Variants in TENM1 observed in about 807,000 individuals in gnomAD.
TENM1 encodes the protein teneurin-1.
TENM1 carries 35 observed loss-of-function variants against 174.8 expected under a neutral mutation model. That is an observed-to-expected ratio of 0.20 (90% CI 0.15 to 0.27). The LOEUF is 0.27. Among genes scored for constraint, TENM1 ranks in the 10% least tolerant of loss-of-function variants. The probability of loss-of-function intolerance (pLI) is 1.00; values close to 1 mark genes in which losing one functional copy is unlikely to be tolerated. For synonymous variants in TENM1, 781 were observed against 798.7 expected (o/e 0.98, Z 0.37); for missense variants, 1,633 against 2,130.1 (o/e 0.77, Z 4.59).
chrX:125,180,433 T>C, the TENM1 span, among the ~76,000 whole-genome samples: 10 of 102,023 alleles, frequency 9.8e-5, no homozygotes, highest in South Asian at 2.9e-3. Flanking sequence ...CCCAGCAATT[T>C]TGGGAGGCCA....
At chrX:124,698,806 T>C (rs2052708416) in intron 5 of TENM1, among the ~76,000 whole-genome samples, 1 of 111,659 alleles carries the variant, frequency 9.0e-6, no homozygotes, top group Non-Finnish European at 1.9e-5. Context: ...TATTAAAACA[T>C]ACTATGCTTT....
the TENM1 span, among the ~76,000 whole-genome samples, chrX:124,997,822 C>T: frequency 9.1e-6 from 1 of 110,104 alleles, no homozygotes; most frequent in Non-Finnish European, 1.9e-5. Flanking sequence ...CTGATTGCTC[C>T]CTTATCCCAT....
intron 10 of TENM1, among the ~76,000 whole-genome samples, chrX:124,642,841 T>C (rs754968821): frequency 3.7e-4 from 42 of 112,435 alleles, no homozygotes; most frequent in African/African-American, 1.3e-3. Context: ...TCTATACAAA[T>C]AAAATGAGAC....
chrX:125,069,806 T>G, the TENM1 span, among the ~76,000 whole-genome samples: 1 of 111,521 alleles, frequency 9.0e-6, no homozygotes, highest in East Asian at 2.8e-4. Context: ...ATAGTTCTAC[T>G]TTTAGTTTTT....
At chrX:124,991,522 GAGAC>G in the TENM1 span, among the ~76,000 whole-genome samples, 1 of 109,855 alleles carries the variant, frequency 9.1e-6, no homozygotes, top group Non-Finnish European at 1.9e-5. Context: ...GAGACAGAGA[GAGAC>G]AGAGAGAGAG....
At chrX:124,772,223 C>T (rs906139949) in intron 3 of TENM1, among the ~76,000 whole-genome samples, 1 of 111,077 alleles carries the variant, frequency 9.0e-6, no homozygotes. Context: ...GCAACCTCTG[C>T]CTTCCGGGTT....
At chrX:125,187,241 C>T in the TENM1 span, among the ~76,000 whole-genome samples, 12 of 112,159 alleles carry the variant, frequency 1.1e-4, no homozygotes, top group East Asian at 5.6e-4. Flanking sequence ...GCCTGGGCGA[C>T]GGGGCAAGAC....
chrX:124,472,005 A>G (rs1375196674), intron 22 of TENM1, among the ~76,000 whole-genome samples: 1 of 107,710 alleles, frequency 9.3e-6, no homozygotes, highest in Non-Finnish European at 1.9e-5. Flanking sequence ...ATCTTAAAAA[A>G]CAATAATAAA....
intron 25 of TENM1, chrX:124,411,907 T>G (rs1348952001): frequency 8.9e-6 from 1 of 111,947 alleles, no homozygotes; most frequent in Admixed American, 9.5e-5. Flanking sequence ...GGTGCCTCCA[T>G]CCTTTGGTGC....
the TENM1 span, among the ~76,000 whole-genome samples, chrX:125,045,568 T>A: frequency 3.2e-4 from 36 of 111,635 alleles, no homozygotes; most frequent in Non-Finnish European, 2.3e-4. Context: ...TTACTACCTG[T>A]GGCTATAGAC....
chrX:125,044,744 T>C, the TENM1 span, among the ~76,000 whole-genome samples: 54 of 111,740 alleles, frequency 4.8e-4, no homozygotes, highest in East Asian at 7.6e-3. Flanking sequence ...TATACAAGGA[T>C]ACTCTATGAA....
chrX:124,889,765 A>G (rs185185608), intron 3 of TENM1, among the ~76,000 whole-genome samples: 15 of 111,854 alleles, frequency 1.3e-4, no homozygotes, highest in African/African-American at 4.9e-4. Context: ...TTTGTATTAC[A>G]ACTGATCATA....
the TENM1 span, among the ~76,000 whole-genome samples, chrX:125,079,737 A>T: frequency 9.0e-6 from 1 of 111,481 alleles, no homozygotes; most frequent in African/African-American, 3.2e-5. Flanking sequence ...AAAACATCAT[A>T]AAGAGGAAAA....
chrX:125,178,675 G>A, the TENM1 span, among the ~76,000 whole-genome samples: 1 of 111,865 alleles, frequency 8.9e-6, no homozygotes, highest in Non-Finnish European at 1.9e-5. Flanking sequence ...AGAAAGCTAG[G>A]TCACACGGGT....
rs922066381 is a variant in TENM1, at chrX:124,620,827, G to A, written c.2077+20964C>T. ...GTTTTCTCCAGAGCTGAAATGATTCGTCTTATCTTATGGAAATAATTATTA... is the reference window on the plus strand; with the variant it reads ...GTTTTCTCCAGAGCTGAAATGATTCATCTTATCTTATGGAAATAATTATTA... On this transcript the variant is annotated intron_variant, in intron 11 of 31. Coordinates refer to ENST00000422452, the Ensembl canonical transcript of TENM1. Among the ~76,000 whole-genome samples, 40 of 111,931 alleles carry A rather than the reference G, an allele frequency of 3.6e-4. 1 individual carries two copies. Among genetic ancestry groups the A allele is most frequent in the Admixed American group, 2.3e-3 (24 of 10,518 alleles).
At chrX:124,452,596 A>T (rs1017966372) in intron 23 of TENM1, among the ~76,000 whole-genome samples, 1 of 111,163 alleles carries the variant, frequency 9.0e-6, no homozygotes, top group Non-Finnish European at 1.9e-5. Flanking sequence ...CACTATTCAC[A>T]ATAGCAAAGA....
intron 23 of TENM1, among the ~76,000 whole-genome samples, chrX:124,451,558 T>C (rs769347628): frequency 9.8e-5 from 11 of 112,073 alleles, no homozygotes; most frequent in African/African-American, 2.6e-4. Context: ...GAGCCCGCAT[T>C]GTCAAGTCAA....
At chrX:124,786,717 A>G (rs1484286520) in intron 3 of TENM1, among the ~76,000 whole-genome samples, 1 of 111,492 alleles carries the variant, frequency 9.0e-6, no homozygotes, top group East Asian at 2.8e-4. Context: ...GGAAAACAAT[A>G]TTATTATGGT....
intron 3 of TENM1, among the ~76,000 whole-genome samples, chrX:124,842,872 C>T (rs2056529960): frequency 9.0e-6 from 1 of 111,335 alleles, no homozygotes; most frequent in South Asian, 3.8e-4. Flanking sequence ...CCAAGGATTT[C>T]TAGCCCAAAG....
Sources: allele counts gnomAD v4.1 joint callset (sites outside exome capture counted in the v4.1 genomes callset), GRCh38; gene constraint gnomAD v4.1.1; transcripts MANE v1.5; gene names NCBI Gene and HGNC (gene_info 2026-07-23, HGNC 2026-07-21).